The following QTMAN variants were observed in gnomAD, a reference collection of about 807,000 sequenced individuals.
The protein encoded by QTMAN is tRNA-queuosine alpha-mannosyltransferase.
the QTMAN span, among the ~76,000 whole-genome samples, chr2:144,216,346 C>T: frequency 1.3e-5 from 2 of 152,146 alleles, no homozygotes; most frequent in Admixed American, 1.3e-4. Context: ...GGGAGCTATG[C>T]TATTATTTTC....
At chr2:144,138,086 G>A in the QTMAN span, among the ~76,000 whole-genome samples, 1 of 152,022 alleles carries the variant, frequency 6.6e-6, no homozygotes, top group Non-Finnish European at 1.5e-5. Context: ...TGGCTCCAAT[G>A]TTAAAAGGTC....
the QTMAN span, among the ~76,000 whole-genome samples, chr2:144,148,033 T>A: frequency 6.6e-6 from 1 of 151,856 alleles, no homozygotes; most frequent in East Asian, 1.9e-4. Flanking sequence ...GATCCTTTAG[T>A]GGACACTGGA....
At chr2:143,990,776 T>C in the QTMAN span, among the ~76,000 whole-genome samples, 16 of 152,150 alleles carry the variant, frequency 1.1e-4, no homozygotes, top group East Asian at 3.1e-3. Context: ...TAAAGTCCCA[T>C]AAGCAAAGAG....
At chr2:143,953,779 T>C in the QTMAN span, among the ~76,000 whole-genome samples, 1 of 152,042 alleles carries the variant, frequency 6.6e-6, no homozygotes, top group Admixed American at 6.5e-5. Context: ...GCATCCAAAA[T>C]GTTGACCAAA....
the QTMAN span, among the ~76,000 whole-genome samples, chr2:144,154,999 G>C: frequency 6.6e-6 from 1 of 152,170 alleles, no homozygotes; most frequent in African/African-American, 2.4e-5. Context: ...TTATACAGAA[G>C]TGTTCAATAC....
At chr2:144,091,163 TA>T in the QTMAN span, among the ~76,000 whole-genome samples, 451 of 148,786 alleles carry the variant, frequency 3.0e-3, 1 homozygote, top group East Asian at 0.02. Context: ...ATCTATATGT[TA>T]AAAAAAAAAA....
the QTMAN span, among the ~76,000 whole-genome samples, chr2:144,194,890 T>A: frequency 3.9e-5 from 6 of 152,006 alleles, no homozygotes; most frequent in Non-Finnish European, 7.4e-5. Context: ...AGTGAAGGGA[T>A]TTCCCCACCA....
At chr2:144,273,383 A>T in the QTMAN span, among the ~76,000 whole-genome samples, 1 of 152,204 alleles carries the variant, frequency 6.6e-6, no homozygotes, top group Non-Finnish European at 1.5e-5. Flanking sequence ...AAGCTGGCTT[A>T]TGTACAAAAG....
the QTMAN span, among the ~76,000 whole-genome samples, chr2:143,973,569 T>C: frequency 6.6e-6 from 1 of 151,908 alleles, no homozygotes; most frequent in Non-Finnish European, 1.5e-5. Flanking sequence ...GACGGGCGGA[T>C]CACGAGGTCA....
chr2:144,095,560 ATCTCTTG>A, the QTMAN span, among the ~76,000 whole-genome samples: 3 of 152,148 alleles, frequency 2.0e-5, no homozygotes, highest in Non-Finnish European at 4.4e-5. Flanking sequence ...CATAACTCCT[ATCTCTTG>A]AAAATGAGGA....
the QTMAN span, among the ~76,000 whole-genome samples, chr2:144,051,781 G>A: frequency 6.6e-6 from 1 of 152,070 alleles, no homozygotes; most frequent in Admixed American, 6.6e-5. Context: ...GGATCTGAAC[G>A]AAACTACAAG....
At chr2:144,218,915 TAAA>T in the QTMAN span, among the ~76,000 whole-genome samples, 1,798 of 54,550 alleles carry the variant, frequency 0.033, 26 homozygotes, top group African/African-American at 0.095. Flanking sequence ...GGAAAGTATC[TAAA>T]AAAAAAAAAA....
At chr2:144,210,673 C>A in the QTMAN span, among the ~76,000 whole-genome samples, 1 of 152,124 alleles carries the variant, frequency 6.6e-6, no homozygotes, top group Non-Finnish European at 1.5e-5. Context: ...TTCACAGACA[C>A]CCTCTAGGTT....
At chr2:144,266,882 C>G in the QTMAN span, among the ~76,000 whole-genome samples, 1 of 152,008 alleles carries the variant, frequency 6.6e-6, no homozygotes, top group Non-Finnish European at 1.5e-5. Flanking sequence ...GTTTCACAAA[C>G]TATAAAGTAC....
chr2:144,063,032 TAG>T, the QTMAN span, among the ~76,000 whole-genome samples: 1 of 152,136 alleles, frequency 6.6e-6, no homozygotes, highest in African/African-American at 2.4e-5. Context: ...TTTGGCCAAT[TAG>T]AGTCATTTTG....
At chr2:144,280,347 A>G in the QTMAN span, among the ~76,000 whole-genome samples, 1 of 152,214 alleles carries the variant, frequency 6.6e-6, no homozygotes, top group Non-Finnish European at 1.5e-5. Flanking sequence ...GTTCCAAACC[A>G]CATGTGCTGC....
the QTMAN span, among the ~76,000 whole-genome samples, chr2:143,984,654 C>T: frequency 6.6e-6 from 1 of 152,192 alleles, no homozygotes; most frequent in Non-Finnish European, 1.5e-5. Flanking sequence ...CACCCTGCTC[C>T]CTATCCTGTG....
chr2:144,168,678 A>G, the QTMAN span, among the ~76,000 whole-genome samples: 1 of 152,178 alleles, frequency 6.6e-6, no homozygotes, highest in African/African-American at 2.4e-5. Flanking sequence ...AGTATTTACC[A>G]TGAATAATGG....
chr2:144,288,021 A>AT, the QTMAN span, among the ~76,000 whole-genome samples: 1 of 151,692 alleles, frequency 6.6e-6, no homozygotes. Context: ...CACCCAGATA[A>AT]TTTTTGTATT....
Sources: allele counts gnomAD v4.1 joint callset (sites outside exome capture counted in the v4.1 genomes callset), GRCh38; gene constraint gnomAD v4.1.1; transcripts MANE v1.5; gene names NCBI Gene and HGNC (gene_info 2026-07-23, HGNC 2026-07-21).